EEFSEC: variants seen among roughly 807,000 people sequenced by gnomAD.
EEFSEC encodes eukaryotic elongation factor, selenocysteine-tRNA specific.
In EEFSEC, 43 loss-of-function variants were observed where a neutral mutation model predicts 42.1. The observed-to-expected ratio is 1.02, with a 90% confidence interval of 0.80 to 1.32. EEFSEC has a LOEUF of 1.32. EEFSEC is among the 40% of genes most tolerant of loss of function. The pLI, the probability that EEFSEC is intolerant of heterozygous loss-of-function variation, is 0.00. For missense variants in EEFSEC, 745 were observed against 803.6 expected, an observed-to-expected ratio of 0.93 and a Z score of 0.88; for synonymous variants, 354 against 339.1, an observed-to-expected ratio of 1.04 and a Z score of -0.48.
chr3:128,333,880 G>A (rs192596344), intron 4 of EEFSEC, among the ~76,000 whole-genome samples: 2 of 152,328 alleles, frequency 1.3e-5, no homozygotes, highest in East Asian at 3.9e-4. Flanking sequence ...AAAGACAGTC[G>A]AAAAGCCAGA....
At chr3:128,321,490 T>TC (rs1395386713) in intron 4 of EEFSEC, among the ~76,000 whole-genome samples, 4 of 151,904 alleles carry the variant, frequency 2.6e-5, no homozygotes, top group African/African-American at 9.7e-5. Context: ...CAGGCTTCAC[T>TC]CCCCCAGGAC....
chr3:128,325,923 G>A (rs1278848856), intron 4 of EEFSEC, among the ~76,000 whole-genome samples: 1 of 152,240 alleles, frequency 6.6e-6, no homozygotes, highest in Non-Finnish European at 1.5e-5. Context: ...TAAATAAGGT[G>A]AATATTTTAT....
At chr3:128,266,375 C>T (rs1214297669) in intron 4 of EEFSEC, among the ~76,000 whole-genome samples, 1 of 152,000 alleles carries the variant, frequency 6.6e-6, no homozygotes, top group Non-Finnish European at 1.5e-5. Flanking sequence ...CGTGTGCCAT[C>T]CCTCATCTAG....
chr3:128,258,961 T>C lies in EEFSEC; in HGVS notation c.525-3167T>C, dbSNP rs562238070. Among the ~76,000 whole-genome samples the C allele has an allele frequency of 3.5e-3, 526 of 152,232 alleles. 3 individuals are homozygous for C. The highest frequency in any genetic ancestry group is 6.0e-3 in the Non-Finnish European group (407 of 68,022). ...TCTCAGGTTTAAAGTAAACTCAGAGTTGGCTTTAAATCACAGCCCCACCAC... is the reference window on the plus strand; with the variant it reads ...TCTCAGGTTTAAAGTAAACTCAGAGCTGGCTTTAAATCACAGCCCCACCAC... On this transcript the variant is annotated intron_variant, in intron 2 of 6. Coordinates refer to ENST00000254730, the MANE Select transcript of EEFSEC (RefSeq NM_021937.5).
chr3:128,257,843 C>A (rs374730212), intron 2 of EEFSEC, among the ~76,000 whole-genome samples: 13 of 152,300 alleles, frequency 8.5e-5, no homozygotes, highest in South Asian at 8.3e-4. Flanking sequence ...TGTCCCCCCC[C>A]AGCATGGAGG....
chr3:128,419,886 G>T, the EEFSEC span, among the ~76,000 whole-genome samples: 1 of 152,178 alleles, frequency 6.6e-6, no homozygotes, highest in African/African-American at 2.4e-5. Context: ...GAGGCCTGGG[G>T]TTCAGACACC....
At chr3:128,401,820 G>A (rs1328795335) in intron 6 of EEFSEC, among the ~76,000 whole-genome samples, 1 of 152,192 alleles carries the variant, frequency 6.6e-6, no homozygotes, top group Non-Finnish European at 1.5e-5. Context: ...TGCCCTTGAT[G>A]CAAGCAGCAG....
intron 4 of EEFSEC, among the ~76,000 whole-genome samples, chr3:128,327,299 C>A (rs1036872407): frequency 8.0e-5 from 12 of 150,426 alleles, no homozygotes; most frequent in Admixed American, 2.0e-4. Context: ...CATCCCCCCC[C>A]CCCCAAGGTT....
intron 4 of EEFSEC, among the ~76,000 whole-genome samples, chr3:128,325,581 G>A (rs909275205): frequency 3.9e-5 from 6 of 152,176 alleles, no homozygotes; most frequent in East Asian, 1.9e-4. Context: ...GCACAACACC[G>A]AGCTACAACC....
At chr3:128,353,665 G>T (rs756345191) in intron 5 of EEFSEC, among the ~76,000 whole-genome samples, 4 of 152,200 alleles carry the variant, frequency 2.6e-5, no homozygotes, top group Non-Finnish European at 5.9e-5. Flanking sequence ...AGTCGTCTGG[G>T]CTCATTTGCT....
chr3:128,401,021 G>A (rs1424227200), intron 6 of EEFSEC, among the ~76,000 whole-genome samples: 2 of 152,164 alleles, frequency 1.3e-5, no homozygotes, highest in African/African-American at 2.4e-5. Flanking sequence ...AGGGGGTGGA[G>A]CAGGGCCATA....
At chr3:128,251,722 C>T (rs1383450687) in intron 2 of EEFSEC, among the ~76,000 whole-genome samples, 1 of 152,094 alleles carries the variant, frequency 6.6e-6, no homozygotes, top group African/African-American at 2.4e-5. Flanking sequence ...ATATTTGCTA[C>T]AAATAAGTCT....
intron 4 of EEFSEC, among the ~76,000 whole-genome samples, chr3:128,319,715 C>G (rs1417111533): frequency 1.3e-5 from 2 of 152,192 alleles, no homozygotes; most frequent in Non-Finnish European, 2.9e-5. Flanking sequence ...GTCCAGGTCA[C>G]AGAGGAGGAG....
chr3:128,345,180 G>A (rs1436840287), intron 5 of EEFSEC, among the ~76,000 whole-genome samples: 1 of 152,208 alleles, frequency 6.6e-6, no homozygotes, highest in Non-Finnish European at 1.5e-5. Flanking sequence ...AGGTGAGATG[G>A]GGGATTGCAC....
In EEFSEC at chr3:128,260,978, A is replaced by C. The variant is rs9883431; in HGVS notation, c.525-1150A>C. On this transcript the variant is annotated intron_variant, in intron 2 of 6. Transcript: ENST00000254730. ...CCCACAGCCAAGGCAAAAAAAAAAA[A>C]AAAACATTCATGCCCGCTGACATGT... Among the ~76,000 whole-genome samples the C allele has an allele frequency of 1.4e-3, 211 of 149,318 alleles. 1 individual carries two copies. The highest frequency in any genetic ancestry group is 1.7e-3 in the African/African-American group (70 of 40,694).
intron 6 of EEFSEC, chr3:128,367,644 G>C (rs2067606015): frequency 1.0e-6 from 1 of 985,286 alleles, no homozygotes; most frequent in African/African-American, 1.7e-5. Context: ...TTAGGCTGCC[G>C]ATTATGGACT....
At chr3:128,381,692 G>A (rs1165536587) in intron 6 of EEFSEC, among the ~76,000 whole-genome samples, 1 of 152,188 alleles carries the variant, frequency 6.6e-6, no homozygotes, top group Non-Finnish European at 1.5e-5. Context: ...ATAAGCTTCT[G>A]TGCAGCTGCG....
At chr3:128,325,555 C>T (rs1476574374) in intron 4 of EEFSEC, among the ~76,000 whole-genome samples, 1 of 152,226 alleles carries the variant, frequency 6.6e-6, no homozygotes, top group Non-Finnish European at 1.5e-5. Context: ...AGAGTCTTTG[C>T]AGCCTCAGGA....
chr3:128,370,816 A>G (rs548715017), intron 6 of EEFSEC, among the ~76,000 whole-genome samples: 12 of 152,232 alleles, frequency 7.9e-5, no homozygotes, highest in African/African-American at 2.9e-4. Context: ...CTTTGGAGAA[A>G]GAGCATGGAG....
Sources: allele counts gnomAD v4.1 joint callset (sites outside exome capture counted in the v4.1 genomes callset), GRCh38; gene constraint gnomAD v4.1.1; transcripts MANE v1.5; gene names NCBI Gene and HGNC (gene_info 2026-07-23, HGNC 2026-07-21).